The following XRN1 variants were observed in gnomAD, a reference collection of about 807,000 sequenced individuals.
The protein encoded by XRN1 is 5'-3' exoribonuclease 1, also known as strand-exchange protein 1 homolog.
Under a neutral mutation model 222.3 loss-of-function variants are expected in XRN1, and 67 were observed. The observed-to-expected ratio is 0.30, with a 90% CI of 0.25 to 0.37. XRN1 has a LOEUF of 0.37. XRN1 is among the 10% of genes least tolerant of loss of function. The pLI is 1.00. For synonymous variants in XRN1, 643 were observed against 652.4 expected, an observed-to-expected ratio of 0.99 and a Z score of 0.22; for missense variants, 1,707 against 2,000.2, an observed-to-expected ratio of 0.85 and a Z score of 2.80.
intron 11 of XRN1, 100 bp downstream of exon 11, chr3:142,418,713 TCA>T: frequency 6.9e-7 from 1 of 1,456,548 alleles, no homozygotes; most frequent in Non-Finnish European, 9.5e-7. Context: ...TTATATGCTA[TCA>T]CAGAAATCTG....
intron 1 of XRN1, among the ~76,000 whole-genome samples, chr3:142,443,986 C>CA: frequency 6.6e-6 from 1 of 152,314 alleles, no homozygotes; most frequent in South Asian, 2.1e-4. Context: ...CACAGAAAGA[C>CA]AAACATTGCA....
chr3:142,386,884 G>A (rs2067522814), intron 20 of XRN1, among the ~76,000 whole-genome samples: 1 of 152,158 alleles, frequency 6.6e-6, no homozygotes, highest in Admixed American at 6.5e-5. Flanking sequence ...ACTGCTGGTA[G>A]AGCGTAAATT....
chr3:142,414,009 C>A, intron 14 of XRN1, 126 bp downstream of exon 14: 2 of 997,022 alleles, frequency 2.0e-6, no homozygotes, highest in Admixed American at 3.1e-5. Flanking sequence ...TAAAAAAATA[C>A]TATGGTTTAA....
At chr3:142,327,847 C>T (rs973963287) in intron 37 of XRN1, among the ~76,000 whole-genome samples, 12 of 152,142 alleles carry the variant, frequency 7.9e-5, no homozygotes, top group Non-Finnish European at 1.5e-4. Context: ...ATCCCCCACC[C>T]TTCCAAGTCT....
At chr3:142,400,331 G>A (rs529130450) in intron 19 of XRN1, 113 bp downstream of exon 19, 5 of 780,598 alleles carry the variant, frequency 6.4e-6, no homozygotes, top group Admixed American at 3.1e-5. Context: ...TTTTGGTACA[G>A]AGTGTAAATG....
intron 24 of XRN1, 58 bp downstream of exon 24, chr3:142,376,420 TA>T: frequency 2.4e-6 from 3 of 1,245,210 alleles, no homozygotes; most frequent in Non-Finnish European, 3.5e-6. Flanking sequence ...ATTAAGCATT[TA>T]ATCTTTATCA....
At chr3:142,428,506 C>T (rs186858525) in intron 2 of XRN1, among the ~76,000 whole-genome samples, 1 of 151,586 alleles carries the variant, frequency 6.6e-6, no homozygotes, top group African/African-American at 2.4e-5. Flanking sequence ...AAATGTTTGA[C>T]AGGAACAAGG....
intron 1 of XRN1, among the ~76,000 whole-genome samples, chr3:142,445,761 T>A (rs2070469704): frequency 6.6e-6 from 1 of 152,200 alleles, no homozygotes; most frequent in Non-Finnish European, 1.5e-5. Flanking sequence ...CCTTGGCAAG[T>A]CAGTTTTGAG....
chr3:142,331,972 C>T (rs548956379), intron 36 of XRN1, among the ~76,000 whole-genome samples: 74 of 152,022 alleles, frequency 4.9e-4, no homozygotes, highest in Non-Finnish European at 3.2e-4. Context: ...ACAGAGTTTC[C>T]GCCATGTTGC....
At position 142,318,634 on chromosome 3, in the gene XRN1, C is replaced by G. The variant is rs771050919; in HGVS notation, c.4579G>C (p.Val1527Leu). 1.1e-5 allele frequency: 17 copies of G among 1,609,232 alleles called. No individual in the cohort carries two copies. The African/African-American group carries it at 2.0e-4, about 19-fold the overall frequency. Residue 1527 changes from valine to leucine, a missense_variant, in exon 39 of 41, where the codon GTA becomes CTA. Transcript: ENST00000392981. The part of the protein sequence containing the change: ...SQVFANYPSA[V>L]PPGTIPPAFP... ...GCTGGAGGAATGGTTCCAGGTGGTA[C>G]AGCTGAAGGATAATTTGCAAATACT...
chr3:142,417,101 TA>T, intron 13 of XRN1, 38 bp downstream of exon 13: 1 of 1,504,838 alleles, frequency 6.6e-7, no homozygotes, highest in Admixed American at 1.7e-5. Flanking sequence ...TGAATCATTA[TA>T]AAAAGACAAA....
At chr3:142,337,200 G>A (rs1178014501) in intron 33 of XRN1, among the ~76,000 whole-genome samples, 1 of 151,978 alleles carries the variant, frequency 6.6e-6, no homozygotes, top group Admixed American at 6.6e-5. Context: ...CCTTTATTAG[G>A]GTCTCTGCTG....
At chr3:142,439,978 G>A (rs546024787) in intron 1 of XRN1, among the ~76,000 whole-genome samples, 22 of 152,224 alleles carry the variant, frequency 1.4e-4, no homozygotes, top group African/African-American at 5.3e-4. Context: ...GGAGACGAAG[G>A]TCCTCTGAGA....
At chr3:142,379,470 A>T (rs970254799) in intron 23 of XRN1, among the ~76,000 whole-genome samples, 2 of 152,202 alleles carry the variant, frequency 1.3e-5, no homozygotes, top group African/African-American at 4.8e-5. Context: ...AGAACGAGGC[A>T]TGAGAGTCAG....
chr3:142,323,468 T>C (rs746360480), intron 37 of XRN1, among the ~76,000 whole-genome samples: 21 of 152,150 alleles, frequency 1.4e-4, no homozygotes, highest in Non-Finnish European at 2.4e-4. Flanking sequence ...AGACGTGAGA[T>C]ACCATGCCCG....
Position 142,312,741 on chromosome 3 carries a change from A to G in XRN1, c.4639T>C (p.Ser1547Pro). Residue 1547 changes from serine to proline, a missense_variant, in exon 40 of 41, where the codon TCG becomes CCG. Around this residue, in one of 2 missense-constraint regions of XRN1, gnomAD observed 473 missense variants for 482.0 expected, o/e 0.98. Coordinates refer to ENST00000392981, the MANE Select transcript of XRN1 (RefSeq NM_001282857.2). ...GGCATTGAGCCAAAGAGATGAGACGACGAAGGCATTATATTAGCTGTTAAA... is the reference window on the plus strand; with the variant it reads ...GGCATTGAGCCAAAGAGATGAGACGGCGAAGGCATTATATTAGCTGTTAAA... The part of the protein sequence containing the change: ...PPPTANIMPS[S>P]SHLFGSMPWG... The G allele has an allele frequency of 6.2e-7, 1 of 1,611,506 alleles. No homozygotes were observed. The highest frequency in any genetic ancestry group is 8.5e-7 in the Non-Finnish European group (1 of 1,179,008).
At chr3:142,377,106 CTAA>C (rs1458430980) in intron 23 of XRN1, among the ~76,000 whole-genome samples, 2 of 151,758 alleles carry the variant, frequency 1.3e-5, no homozygotes, top group East Asian at 3.9e-4. Context: ...TTCTTTTCCC[CTAA>C]TATTTACTAT....
intron 27 of XRN1, among the ~76,000 whole-genome samples, chr3:142,366,851 G>T (rs2066828606): frequency 6.6e-6 from 1 of 152,168 alleles, no homozygotes. Context: ...CTATAGCATT[G>T]ATTAGAGGAC....
At chr3:142,413,041 C>G (rs1201230233) in intron 14 of XRN1, among the ~76,000 whole-genome samples, 1 of 151,984 alleles carries the variant, frequency 6.6e-6, no homozygotes, top group Admixed American at 6.6e-5. Context: ...TATTTTTAGC[C>G]TCAAATTGAC....
Sources: gnomAD v4.1 joint callset for allele counts (sites outside exome capture counted in the v4.1 genomes callset) on GRCh38, gnomAD v4.1.1 for gene constraint, gnomAD v4.1.1 regional missense constraint, MANE v1.5 for transcripts, NCBI Gene and HGNC (gene_info 2026-07-23, HGNC 2026-07-21) for gene names.